The following ZNF207 variants were observed in gnomAD, a reference collection of about 807,000 sequenced individuals.
ZNF207 encodes zinc finger protein 207, also known as BUB3-interacting and GLEBS motif-containing protein ZNF207.
Under a neutral mutation model 60.2 loss-of-function variants are expected in ZNF207, and 24 were observed. The observed-to-expected ratio is 0.40, with a 90% CI of 0.29 to 0.56. ZNF207 has a LOEUF of 0.56. Ranked by LOEUF, ZNF207 falls within the 20% of genes least tolerant of loss-of-function variation. The pLI is 0.49. For synonymous variants in ZNF207, 236 were observed against 194.7 expected (o/e 1.21, Z -1.77); for missense variants, 452 against 636.6 (o/e 0.71, Z 3.12).
intron 3 of ZNF207, among the ~76,000 whole-genome samples, chr17:32,360,267 T>C (rs574828301): frequency 6.7e-6 from 1 of 148,274 alleles, no homozygotes; most frequent in African/African-American, 2.5e-5. Flanking sequence ...GGAGGATCGC[T>C]TCAGCCCAGG....
In ZNF207 at chr17:32,381,288, G is replaced by C. The variant is rs975624511; in HGVS notation, c.*11529G>C. 5.3e-5 allele frequency: 8 copies of C among 152,212 alleles called. No individual in the cohort carries two copies. Among genetic ancestry groups the C allele is most frequent in the Admixed American group, 1.3e-4 (2 of 15,282 alleles). 9.4% of individuals were successfully genotyped at this position (152,212 alleles called of 1,614,324 possible). Reference sequence around the variant, plus strand: ...AGGGATATGATTGTAAGGAGGTCCTGAACAAAGCATGATAAATGTTAGTCC... The same window carrying C: ...AGGGATATGATTGTAAGGAGGTCCTCAACAAAGCATGATAAATGTTAGTCC... On this transcript the variant is annotated 3_prime_UTR_variant, in exon 12 of 12. Transcript: ENST00000394670.
chr17:32,355,160 C>T (rs562264693), intron 2 of ZNF207, among the ~76,000 whole-genome samples: 18 of 152,208 alleles, frequency 1.2e-4, no homozygotes, highest in African/African-American at 3.9e-4. Context: ...TTTGGTAGGC[C>T]GAGATGGACT....
At chr17:32,361,621 C>T in intron 6 of ZNF207, 106 bp downstream of exon 6, 1 of 1,006,298 alleles carries the variant, frequency 9.9e-7, no homozygotes, top group South Asian at 2.3e-5. Context: ...AATTTTCTAA[C>T]CTTCCTCACT....
intron 10 of ZNF207, 171 bp from the exon 11 acceptor site, chr17:32,369,124 A>C: frequency 1.2e-5 from 7 of 597,576 alleles, no homozygotes; most frequent in Non-Finnish European, 2.0e-5. Flanking sequence ...GTTTTAAGGT[A>C]TCTAGAGTTT....
intron 2 of ZNF207, among the ~76,000 whole-genome samples, chr17:32,354,002 T>G (rs1019293419): frequency 2.0e-5 from 3 of 152,112 alleles, no homozygotes; most frequent in Admixed American, 6.5e-5. Flanking sequence ...TTTGATTGAT[T>G]GACAGGGTCT....
At position 32,371,584 on chromosome 17, in the gene ZNF207, A is replaced by G. The variant is rs551755158; in HGVS notation, c.*1825A>G. The G allele has an allele frequency of 2.6e-5, 4 of 152,308 alleles. No homozygotes were observed. The highest frequency in any genetic ancestry group is 5.9e-5 in the Non-Finnish European group (4 of 68,064). The allele number at this position is 152,308 out of a possible 1,614,324, so 9.4% of individuals were successfully genotyped here. On this transcript the variant is annotated 3_prime_UTR_variant, in exon 12 of 12. Coordinates refer to ENST00000394670, the MANE Select transcript of ZNF207 (RefSeq NM_001098507.2). Reference sequence around the variant, plus strand: ...GCCAACATGGCAAAACCCCATCTGTACAAAACATTTAAAAATTAGCCAGGC... The same window carrying G: ...GCCAACATGGCAAAACCCCATCTGTGCAAAACATTTAAAAATTAGCCAGGC...
intron 1 of ZNF207, among the ~76,000 whole-genome samples, chr17:32,350,535 C>T (rs920592417): frequency 5.9e-5 from 9 of 152,050 alleles, no homozygotes; most frequent in African/African-American, 2.2e-4. Context: ...GGTCGTGTGA[C>T]TCTGTGACTC....
chr17:32,356,113 T>C (rs1474482404), intron 2 of ZNF207, among the ~76,000 whole-genome samples: 6 of 152,214 alleles, frequency 3.9e-5, no homozygotes, highest in Admixed American at 2.0e-4. Context: ...ACCAATTTTA[T>C]AGATGATAAA....
chr17:32,357,195 A>T (rs1904555274), intron 2 of ZNF207, among the ~76,000 whole-genome samples: 1 of 147,284 alleles, frequency 6.8e-6, no homozygotes, highest in Non-Finnish European at 1.5e-5. Context: ...AAAAAAAAAA[A>T]GTAAAATGCC....
intron 3 of ZNF207, among the ~76,000 whole-genome samples, chr17:32,359,368 C>T (rs1904728726): frequency 6.6e-6 from 1 of 152,102 alleles, no homozygotes; most frequent in African/African-American, 2.4e-5. Context: ...GCCTCGGCCT[C>T]CCAAAGTGCT....
In ZNF207 at chr17:32,379,947, A is replaced by G. The variant is rs1905819294; in HGVS notation, c.*10188A>G. 1 of 152,198 alleles carries G rather than the reference A, an allele frequency of 6.6e-6. No homozygotes were observed. Among genetic ancestry groups the G allele is most frequent in the African/African-American group, 2.4e-5 (1 of 41,460 alleles). 9.4% of individuals were successfully genotyped at this position (152,198 alleles called of 1,614,324 possible). A position where few individuals can be genotyped will look rare whatever the true frequency, so the allele number is the denominator to read the frequency against. The stretch of plus-strand genomic sequence containing the variant: ...CAGCATATGCTAAGAATGTTTTTAC[A>G]TTCTGTTTCCTCCTGTGATCTTTCT... On this transcript the variant is annotated 3_prime_UTR_variant, in exon 12 of 12. Transcript: ENST00000394670.
chr17:32,351,195 T>C (rs1268289732), intron 1 of ZNF207: 1 of 167,326 alleles, frequency 6.0e-6, no homozygotes, highest in East Asian at 1.7e-4. Flanking sequence ...AGAATTCTGT[T>C]TTATTGATGT....
Position 32,369,380 on chromosome 17 carries a change from C to T in ZNF207, c.1250C>T (p.Pro417Leu), listed in dbSNP as rs1195149163. ...QAPIGNPPVGPIGGMMPPQPG... is the reference protein window; with the variant it reads ...QAPIGNPPVGLIGGMMPPQPG... ...CCCATCGGTAATCCACCAGTTGGACCAATTGGAGGTATGATGCCACCACAG... is the reference window on the plus strand; with the variant it reads ...CCCATCGGTAATCCACCAGTTGGACTAATTGGAGGTATGATGCCACCACAG... Residue 417 changes from proline (P) to leucine (L), a missense_variant, in exon 11 of 12, where the codon CCA (proline) becomes CTA (leucine). By Grantham distance (98) the Pro-to-Leu change is moderately conservative. Around this residue, in one of 2 missense-constraint regions of ZNF207, gnomAD observed 390 missense variants for 461.4 expected, o/e 0.85. Transcript: ENST00000394670. 4.3e-6 allele frequency: 7 copies of T among 1,613,978 alleles called. No homozygotes were observed. The highest frequency in any genetic ancestry group is 1.3e-5 in the African/African-American group (1 of 74,868).
At chr17:32,367,658 C>T (rs1422484153) in intron 9 of ZNF207, 114 bp from the exon 10 acceptor site, 3 of 1,330,026 alleles carry the variant, frequency 2.3e-6, no homozygotes, top group Non-Finnish European at 2.1e-6. Context: ...GTATTAATTT[C>T]ATTTAAAGTT....
intron 2 of ZNF207, among the ~76,000 whole-genome samples, chr17:32,355,575 C>T (rs990785381): frequency 6.6e-6 from 1 of 152,128 alleles, no homozygotes; most frequent in Non-Finnish European, 1.5e-5. Flanking sequence ...GAAATTAAAA[C>T]AGGAGATAGA....
At chr17:32,351,052 T>A (rs1393583039) in intron 1 of ZNF207, 1 of 153,704 alleles carries the variant, frequency 6.5e-6, no homozygotes, top group East Asian at 1.9e-4. Flanking sequence ...TACATTAAAA[T>A]TGATTTTATT....
chr17:32,351,997 C>G (rs1289871904), intron 2 of ZNF207, 85 bp downstream of exon 2: 1 of 1,364,482 alleles, frequency 7.3e-7, no homozygotes. Flanking sequence ...TTTTGAGTTT[C>G]GGTCTTGTCG....
In ZNF207 at chr17:32,369,880, C is replaced by T. The variant is rs1905387947; in HGVS notation, c.*121C>T. 3.7e-6 allele frequency: 4 copies of T among 1,089,126 alleles called. No individual in the cohort carries two copies. In the South Asian group the frequency reaches 1.1e-4, roughly 31 times the overall value. The allele number at this position is 1,089,126 out of a possible 1,614,324, so 67.5% of individuals were successfully genotyped here. Reference sequence around the variant, plus strand: ...GACTTTAACAAACATTATCTTCCCACATACCAGGAACTATTGGACATTTAT... The same window carrying T: ...GACTTTAACAAACATTATCTTCCCATATACCAGGAACTATTGGACATTTAT... On this transcript the variant is annotated 3_prime_UTR_variant, in exon 12 of 12. Transcript: ENST00000394670.
rs907375113 is a variant in ZNF207, at chr17:32,381,816, C to T, written c.*12057C>T. 3.3e-5 allele frequency: 5 copies of T among 152,154 alleles called. No homozygotes were observed. Among genetic ancestry groups the T allele is most frequent in the African/African-American group, 1.2e-4 (5 of 41,416 alleles). 9.4% of individuals were successfully genotyped at this position (152,154 alleles called of 1,614,324 possible). A position where few individuals can be genotyped will look rare whatever the true frequency, so the allele number is the denominator to read the frequency against. Reference sequence around the variant, plus strand: ...CTCTTTGTTTGGAGGAGATGGTTATCTCCTTCACTCATTAACCTTTGAGTG... The same window carrying T: ...CTCTTTGTTTGGAGGAGATGGTTATTTCCTTCACTCATTAACCTTTGAGTG... On this transcript the variant is annotated 3_prime_UTR_variant, in exon 12 of 12. Transcript: ENST00000394670.
Sources: allele counts gnomAD v4.1 joint callset (sites outside exome capture counted in the v4.1 genomes callset), GRCh38; gene constraint gnomAD v4.1.1; regional missense constraint gnomAD v4.1.1; transcripts MANE v1.5; gene names NCBI Gene and HGNC (gene_info 2026-07-23, HGNC 2026-07-21).